Variants in TP63 observed in about 807,000 individuals in gnomAD.
The protein encoded by TP63 is tumor protein 63.
In TP63, 17 loss-of-function variants were observed where a neutral mutation model predicts 82.8. The observed-to-expected ratio is 0.21, with a 90% CI of 0.14 to 0.31. The LOEUF (loss-of-function observed/expected upper bound fraction) is 0.31, where lower values mean the gene tolerates loss of function less well. Ranked by LOEUF, TP63 falls within the 10% of genes least tolerant of loss-of-function variation. The pLI is 1.00. For synonymous variants in TP63, 330 were observed against 321.7 expected (o/e 1.03, Z -0.28); for missense variants, 648 against 895.3 (o/e 0.72, Z 3.52).
intron 3 of TP63, among the ~76,000 whole-genome samples, chr3:189,791,970 A>C (rs1372840235): frequency 6.6e-6 from 1 of 152,134 alleles, no homozygotes; most frequent in Non-Finnish European, 1.5e-5. Flanking sequence ...TGGGTAGATT[A>C]AAAATGAAAA....
rs1721509957 is a variant in TP63, at chr3:189,896,822, A to G, written c.*2320A>G. 1 of 209,810 alleles carries G rather than the reference A, an allele frequency of 4.8e-6. No individual in the cohort carries two copies. Among genetic ancestry groups the G allele is most frequent in the Non-Finnish European group, 9.7e-6 (1 of 103,058 alleles). 13.0% of individuals were successfully genotyped at this position (209,810 alleles called of 1,614,324 possible). On this transcript the variant is annotated 3_prime_UTR_variant, in exon 14 of 14. Transcript: ENST00000264731. ...TGTATGAGTAGCCAGGGTAAGGGGTAAAAGGATAGTAAGCATAGAAACCAC... is the reference window on the plus strand; with the variant it reads ...TGTATGAGTAGCCAGGGTAAGGGGTGAAAGGATAGTAAGCATAGAAACCAC...
chr3:189,757,373 G>C (rs1269107815), intron 3 of TP63, among the ~76,000 whole-genome samples: 1 of 152,172 alleles, frequency 6.6e-6, no homozygotes, highest in Non-Finnish European at 1.5e-5. Context: ...GACCTTGGGT[G>C]AATTACAGAA....
At chr3:189,846,614 GTGTGT>G (rs1204380431) in intron 4 of TP63, among the ~76,000 whole-genome samples, 610 of 36,324 alleles carry the variant, frequency 0.017, 2 homozygotes, top group African/African-American at 0.077. Context: ...CCAGTAGGGT[GTGTGT>G]GTGTGTGTGT....
In TP63 at chr3:189,820,380, G is replaced by A. The variant is rs141925969; in HGVS notation, c.579+11854G>A. Among the ~76,000 whole-genome samples the A allele has an allele frequency of 2.0e-3, 312 of 152,266 alleles. 1 individual carries two copies. The highest frequency in any genetic ancestry group is 7.3e-3 in the African/African-American group (303 of 41,548). On this transcript the variant is annotated intron_variant, in intron 4 of 13. Coordinates refer to ENST00000264731, the MANE Select transcript of TP63 (RefSeq NM_003722.5). Reference sequence around the variant, plus strand: ...CAGAACTGATTTCTTACCTAGCACGGCATGGATTTCAGTTATAATGTTTCT... The same window carrying A: ...CAGAACTGATTTCTTACCTAGCACGACATGGATTTCAGTTATAATGTTTCT...
intron 4 of TP63, among the ~76,000 whole-genome samples, chr3:189,819,948 A>G (rs1168827646): frequency 6.6e-6 from 1 of 151,678 alleles, no homozygotes; most frequent in Non-Finnish European, 1.5e-5. Context: ...ATGGAGTTTC[A>G]CCATCTTGGC....
At chr3:189,666,198 T>G (rs1014558010) in intron 1 of TP63, among the ~76,000 whole-genome samples, 4 of 152,070 alleles carry the variant, frequency 2.6e-5, no homozygotes, top group African/African-American at 9.7e-5. Context: ...TAGATTTTAT[T>G]AAACATTATT....
chr3:189,682,553 AATATATAT>A (rs1179179631), intron 1 of TP63, among the ~76,000 whole-genome samples: 38 of 10,352 alleles, frequency 3.7e-3, no homozygotes, highest in African/African-American at 6.9e-3. Flanking sequence ...AAAAAAAAAA[AATATATAT>A]ATATATATAT....
the TP63 span, among the ~76,000 whole-genome samples, chr3:189,612,159 A>G: frequency 2.0e-5 from 3 of 151,986 alleles, no homozygotes; most frequent in Admixed American, 6.6e-5. Flanking sequence ...GGGTTCAGAA[A>G]TTCTCTTGAG....
chr3:189,621,556 T>C, the TP63 span, among the ~76,000 whole-genome samples: 17 of 143,974 alleles, frequency 1.2e-4, no homozygotes, highest in East Asian at 3.2e-3. Flanking sequence ...TATAAGTAAA[T>C]ATGTACATTA....
At chr3:189,863,579 C>T (rs1243001684) in intron 4 of TP63, among the ~76,000 whole-genome samples, 18 of 152,216 alleles carry the variant, frequency 1.2e-4, no homozygotes, top group Admixed American at 2.0e-4. Flanking sequence ...ACATCAGGCC[C>T]GGTGTTTTCA....
At position 189,864,321 on chromosome 3, in the gene TP63, T is replaced by C; in HGVS notation, c.669T>C (p.Ala223=). ...TGATGACCCCACCTCCTCAGGGAGC[T>C]GTTATCCGCGCCATGCCTGTCTACA... ...IKVMTPPPQG[A]VIRAMPVYKK... is the part of the protein sequence containing the mutation. Residue 223 remains alanine (A), a synonymous_variant, in exon 5 of 14, where the codon GCT becomes GCC. Coordinates refer to ENST00000264731, the MANE Select transcript of TP63 (RefSeq NM_003722.5). 6.2e-7 allele frequency: 1 copy of C among 1,614,156 alleles called. No homozygotes were observed. Among genetic ancestry groups the C allele is most frequent in the Non-Finnish European group, 8.5e-7 (1 of 1,180,026 alleles).
chr3:189,659,484 A>T (rs2108650657), intron 1 of TP63, among the ~76,000 whole-genome samples: 1 of 152,134 alleles, frequency 6.6e-6, no homozygotes, highest in Non-Finnish European at 1.5e-5. Flanking sequence ...GGGCACCTTG[A>T]TTAATTCTGT....
intron 8 of TP63, among the ~76,000 whole-genome samples, chr3:189,869,061 C>T (rs1047651906): frequency 6.6e-6 from 1 of 152,154 alleles, no homozygotes; most frequent in Non-Finnish European, 1.5e-5. Context: ...TCCCAGCATA[C>T]TGAATTTCTT....
chr3:189,664,670 A>G (rs80137439), intron 1 of TP63, among the ~76,000 whole-genome samples: 4,997 of 152,156 alleles, frequency 0.033, 113 homozygotes, highest in Non-Finnish European at 0.045. Context: ...TGTGCCTCTT[A>G]TTTCTCCTTT....
At chr3:189,644,348 A>AAAATT (rs1712207783) in intron 1 of TP63, among the ~76,000 whole-genome samples, 1 of 150,886 alleles carries the variant, frequency 6.6e-6, no homozygotes, top group Non-Finnish European at 1.5e-5. Flanking sequence ...CTTCCCTGTG[A>AAAATT]AAATTTATTC....
chr3:189,841,022 A>G (rs995646235), intron 4 of TP63, among the ~76,000 whole-genome samples: 1 of 152,088 alleles, frequency 6.6e-6, no homozygotes, highest in Admixed American at 6.6e-5. Context: ...ATATATATGT[A>G]TATATAGATC....
chr3:189,747,017 GTAA>G (rs1366026770), intron 3 of TP63, among the ~76,000 whole-genome samples: 1 of 151,006 alleles, frequency 6.6e-6, no homozygotes, highest in Non-Finnish European at 1.5e-5. Flanking sequence ...AGGTCATTAT[GTAA>G]TAATAAAGTA....
At chr3:189,722,345 A>C (rs966886591) in intron 1 of TP63, among the ~76,000 whole-genome samples, 9 of 152,248 alleles carry the variant, frequency 5.9e-5, no homozygotes, top group Non-Finnish European at 1.2e-4. Flanking sequence ...GAGCAGCCTT[A>C]GAAGGATAAG....
intron 10 of TP63, among the ~76,000 whole-genome samples, chr3:189,873,941 G>C (rs775330528): frequency 6.6e-6 from 1 of 152,088 alleles, no homozygotes; most frequent in Non-Finnish European, 1.5e-5. Flanking sequence ...CAAAAAAGAA[G>C]TCAAAAACTA....
Sources: gnomAD v4.1 joint callset for allele counts (sites outside exome capture counted in the v4.1 genomes callset) on GRCh38, gnomAD v4.1.1 for gene constraint, MANE v1.5 for transcripts, NCBI Gene and HGNC (gene_info 2026-07-23, HGNC 2026-07-21) for gene names.